Variants in LARGE1 observed in about 807,000 individuals in gnomAD.
LARGE1 encodes LARGE xylosyl- and glucuronyltransferase 1.
In LARGE1, 43 loss-of-function variants were observed where a neutral mutation model predicts 87.6. The observed-to-expected ratio is 0.49, with a 90% CI of 0.38 to 0.63. LARGE1 has a LOEUF of 0.63. Ranked by LOEUF, LARGE1 falls within the 30% of genes least tolerant of loss-of-function variation. The probability of loss-of-function intolerance (pLI) is 0.00; values close to 1 mark genes in which losing one functional copy is unlikely to be tolerated. For missense variants in LARGE1, 802 were observed against 1,000.2 expected (o/e 0.80, Z 2.67); for synonymous variants, 434 against 394.6 (o/e 1.10, Z -1.18).
At chr22:33,355,261 C>T (rs1940783866) in intron 9 of LARGE1, among the ~76,000 whole-genome samples, 1 of 152,180 alleles carries the variant, frequency 6.6e-6, no homozygotes, top group Non-Finnish European at 1.5e-5. Context: ...AGCAATATTG[C>T]ACAGTATTGT....
At chr22:33,673,946 T>C (rs2081491773) in intron 2 of LARGE1, among the ~76,000 whole-genome samples, 1 of 111,400 alleles carries the variant, frequency 9.0e-6, no homozygotes, top group Non-Finnish European at 1.8e-5. Flanking sequence ...CCTGCCTGGG[T>C]TACACGACCA....
chr22:33,728,549 A>C (rs71313176), intron 2 of LARGE1, among the ~76,000 whole-genome samples: 1 of 110,852 alleles, frequency 9.0e-6, no homozygotes, highest in African/African-American at 4.6e-5. Flanking sequence ...CACCCCTACC[A>C]CCAAAAAAAA....
intron 5 of LARGE1, among the ~76,000 whole-genome samples, chr22:33,586,209 G>T (rs1038361337): frequency 6.6e-6 from 1 of 152,148 alleles, no homozygotes; most frequent in South Asian, 2.1e-4. Flanking sequence ...TACTCTTTAC[G>T]TGTTCCCAAA....
the LARGE1 span, among the ~76,000 whole-genome samples, chr22:33,149,378 T>G: frequency 6.6e-6 from 1 of 152,120 alleles, no homozygotes; most frequent in African/African-American, 2.4e-5. Context: ...AGTAAAAGTT[T>G]TAGATTTAAT....
intron 7 of LARGE1, among the ~76,000 whole-genome samples, chr22:33,410,320 G>C (rs1276173036): frequency 6.6e-6 from 1 of 152,038 alleles, no homozygotes; most frequent in Non-Finnish European, 1.5e-5. Flanking sequence ...GTAACTGCTT[G>C]ATATGGTTTG....
chr22:33,780,533 A>C (rs1231464735), intron 1 of LARGE1, among the ~76,000 whole-genome samples: 4 of 152,226 alleles, frequency 2.6e-5, no homozygotes, highest in African/African-American at 9.6e-5. Context: ...GTGTGAAAGA[A>C]GGAGCATGAA....
At chr22:33,328,718 AC>A (rs1937459023) in intron 10 of LARGE1, among the ~76,000 whole-genome samples, 1 of 152,178 alleles carries the variant, frequency 6.6e-6, no homozygotes, top group South Asian at 2.1e-4. Context: ...TTGTGGAATA[AC>A]CTGGATATAT....
At chr22:33,452,637 G>T (rs2067978577) in intron 6 of LARGE1, among the ~76,000 whole-genome samples, 1 of 152,194 alleles carries the variant, frequency 6.6e-6, no homozygotes, top group Non-Finnish European at 1.5e-5. Context: ...AATCGGTGAG[G>T]AAGGCCACAC....
chr22:33,572,380 G>A (rs975059895), intron 5 of LARGE1: 19 of 301,468 alleles, frequency 6.3e-5, no homozygotes, highest in Middle Eastern at 1.1e-3. Flanking sequence ...GAAGAAGATC[G>A]TGAAATGAGC....
exon 12 of LARGE1, chr22:33,166,756 A>G (rs139373540): frequency 4.2e-6 from 2 of 471,454 alleles, no homozygotes; most frequent in African/African-American, 4.0e-5. Flanking sequence ...GCCAACGCCG[A>G]GGACAATTAT....
chr22:33,129,799 C>T, the LARGE1 span, among the ~76,000 whole-genome samples: 1 of 152,118 alleles, frequency 6.6e-6, no homozygotes, highest in Non-Finnish European at 1.5e-5. Flanking sequence ...ACCGTCAGAT[C>T]TCATGAGACT....
At chr22:33,594,434 A>G (rs2078924193) in intron 5 of LARGE1, among the ~76,000 whole-genome samples, 1 of 152,156 alleles carries the variant, frequency 6.6e-6, no homozygotes, top group Admixed American at 6.6e-5. Context: ...CTAGCCTTTT[A>G]TCCTTTCATA....
chr22:33,707,292 G>A (rs545187266), intron 2 of LARGE1, among the ~76,000 whole-genome samples: 1 of 152,366 alleles, frequency 6.6e-6, no homozygotes, highest in South Asian at 2.1e-4. Context: ...TCATTTTACT[G>A]TGAGTCCATT....
At chr22:33,635,984 C>T (rs566232164) in intron 3 of LARGE1, among the ~76,000 whole-genome samples, 11 of 152,292 alleles carry the variant, frequency 7.2e-5, no homozygotes, top group African/African-American at 2.6e-4. Context: ...CCAGGGCCTG[C>T]TGTGAGAACA....
At chr22:33,667,692 A>T (rs1444585561) in intron 2 of LARGE1, among the ~76,000 whole-genome samples, 3 of 152,248 alleles carry the variant, frequency 2.0e-5, no homozygotes, top group Non-Finnish European at 1.5e-5. Context: ...CCTCACTGTC[A>T]TCTGTTAAAT....
downstream of LARGE1, among the ~76,000 whole-genome samples, chr22:33,272,432 A>G (rs745709202): frequency 6.6e-6 from 1 of 152,208 alleles, no homozygotes; most frequent in Non-Finnish European, 1.5e-5. Flanking sequence ...GAAACTGGAA[A>G]TATGCCCAAA....
At chr22:33,378,161 AAT>A (rs2065044602) in intron 9 of LARGE1, among the ~76,000 whole-genome samples, 1 of 152,160 alleles carries the variant, frequency 6.6e-6, no homozygotes, top group South Asian at 2.1e-4. Flanking sequence ...TGTTTTTAAG[AAT>A]ATTCTTCTAG....
intron 1 of LARGE1, among the ~76,000 whole-genome samples, chr22:33,896,047 T>A (rs909251480): frequency 3.9e-5 from 6 of 152,226 alleles, no homozygotes; most frequent in Non-Finnish European, 5.9e-5. Flanking sequence ...CTGTTTCATC[T>A]TCCCAAACTG....
chr22:33,874,253 G>A (rs952853806), intron 1 of LARGE1, among the ~76,000 whole-genome samples: 6 of 152,138 alleles, frequency 3.9e-5, no homozygotes, highest in African/African-American at 9.7e-5. Flanking sequence ...CCACAGGCAC[G>A]CCTCACCTCA....
Sources: allele counts gnomAD v4.1 joint callset (sites outside exome capture counted in the v4.1 genomes callset), GRCh38; gene constraint gnomAD v4.1.1; transcripts MANE v1.5; gene names NCBI Gene and HGNC (gene_info 2026-07-23, HGNC 2026-07-21).